CACNA1C: variants seen among roughly 807,000 people sequenced by gnomAD.
The protein encoded by CACNA1C is voltage-dependent L-type calcium channel subunit alpha-1C.
Under a neutral mutation model 229.0 loss-of-function variants are expected in CACNA1C, and 30 were observed. The observed-to-expected ratio is 0.13, with a 90% CI of 0.10 to 0.18. The LOEUF (loss-of-function observed/expected upper bound fraction) is 0.18. Ranked by LOEUF, CACNA1C falls within the 10% of genes least tolerant of loss-of-function variation. The pLI is 1.00. For synonymous variants in CACNA1C, 1,114 were observed against 1,132.5 expected, an observed-to-expected ratio of 0.98 and a Z score of 0.33; for missense variants, 1,658 against 2,845.0, an observed-to-expected ratio of 0.58 and a Z score of 9.49.
intron 3 of CACNA1C, among the ~76,000 whole-genome samples, chr12:2,256,245 G>A (rs1457106634): frequency 6.6e-6 from 1 of 152,076 alleles, no homozygotes; most frequent in Admixed American, 6.6e-5. Flanking sequence ...TCATAGTTCA[G>A]CCTTGCACAT....
intron 5 of CACNA1C, among the ~76,000 whole-genome samples, chr12:2,464,752 T>C (rs2099539122): frequency 6.6e-6 from 1 of 152,222 alleles, no homozygotes; most frequent in Non-Finnish European, 1.5e-5. Context: ...TAAACGGAAG[T>C]TTACTTTCAT....
intron 3 of CACNA1C, among the ~76,000 whole-genome samples, chr12:2,438,503 G>A (rs116662384): frequency 0.017 from 2,632 of 152,076 alleles, 85 homozygotes; most frequent in African/African-American, 0.06. Context: ...CATCGTGGAG[G>A]AGTAGGAGTT....
At chr12:2,059,342 G>A (rs1175883496) in intron 1 of CACNA1C, among the ~76,000 whole-genome samples, 2 of 151,910 alleles carry the variant, frequency 1.3e-5, no homozygotes, top group Admixed American at 6.6e-5. Flanking sequence ...CTGAATTTAA[G>A]TTGGGATTGT....
chr12:2,154,508 G>A (rs1423492220), intron 3 of CACNA1C, among the ~76,000 whole-genome samples: 1 of 152,164 alleles, frequency 6.6e-6, no homozygotes, highest in Non-Finnish European at 1.5e-5. Context: ...CCTCACCCGG[G>A]GCCAGCAGTG....
At chr12:2,540,677 G>T (rs1485360643) in intron 9 of CACNA1C, among the ~76,000 whole-genome samples, 1 of 152,168 alleles carries the variant, frequency 6.6e-6, no homozygotes, top group African/African-American at 2.4e-5. Flanking sequence ...CGTGCAGGAG[G>T]TGGACAGGCA....
chr12:2,354,519 A>G lies in CACNA1C; in HGVS notation c.478-94457A>G, dbSNP rs1328341293. Among the ~76,000 whole-genome samples, 2 of 152,164 alleles carry G rather than the reference A, an allele frequency of 1.3e-5. No individual in the cohort carries two copies. Among genetic ancestry groups the G allele is most frequent in the Admixed American group, 6.5e-5 (1 of 15,278 alleles). ...AGAACCTCACCAGCAGCTGAATTGAATTCCATCTTTGAGACCCAAGAGAGG... is the reference window on the plus strand; with the variant it reads ...AGAACCTCACCAGCAGCTGAATTGAGTTCCATCTTTGAGACCCAAGAGAGG... On this transcript the variant is annotated intron_variant, in intron 3 of 46. Transcript: ENST00000399655. This position sits in a 1 kb window ranked among gnomAD's most constrained non-coding sequence, Gnocchi z 4.6.
In CACNA1C at chr12:2,143,101, G is replaced by C. The variant is rs180739533; in HGVS notation, c.477+22671G>C. Among the ~76,000 whole-genome samples, 126 of 150,740 alleles carry C rather than the reference G, an allele frequency of 8.4e-4. 9 individuals carry two copies. The highest frequency in any genetic ancestry group is 1.4e-3 in the Non-Finnish European group (93 of 67,454). The stretch of plus-strand genomic sequence containing the variant: ...AGCAATTCTTCTGCCTCAGCCTCTC[G>C]AGTAGCTGAGATTACAGGTGCCTGC... On this transcript the variant is annotated intron_variant, in intron 3 of 46. Transcript: ENST00000399655.
At chr12:2,173,696 C>A (rs755768278) in intron 3 of CACNA1C, among the ~76,000 whole-genome samples, 5 of 152,140 alleles carry the variant, frequency 3.3e-5, no homozygotes, top group African/African-American at 1.2e-4. Flanking sequence ...GCCCTACCCC[C>A]ACCTGCTCCA....
intron 11 of CACNA1C, among the ~76,000 whole-genome samples, chr12:2,557,989 A>G (rs868719832): frequency 3.0e-4 from 46 of 152,288 alleles, no homozygotes; most frequent in African/African-American, 1.1e-3. Context: ...AATATTGGTT[A>G]TTTTTCATAA....
Position 2,023,707 on chromosome 12 carries a change from A to T in CACNA1C, c.139+52506A>T, listed in dbSNP as rs575897311. ...TTGGATGTCTGCTTCCAGTCATCTT[A>T]GTAAGTCCAGTTTGACAAAAATGTG... On this transcript the variant is annotated intron_variant, in intron 1 of 46. Coordinates refer to the CACNA1C transcript ENST00000682462. Among the ~76,000 whole-genome samples the T allele has an allele frequency of 1.5e-3, 224 of 152,312 alleles. 1 individual carries two copies. Among genetic ancestry groups the T allele is most frequent in the Non-Finnish European group, 2.9e-3 (194 of 68,030 alleles).
intron 24 of CACNA1C, among the ~76,000 whole-genome samples, chr12:2,606,151 C>T (rs1307182177): frequency 6.6e-6 from 1 of 152,228 alleles, no homozygotes; most frequent in Non-Finnish European, 1.5e-5. Context: ...CTGCACCACC[C>T]AGCTTTCAGA....
intron 1 of CACNA1C, chr12:2,004,185 G>T: frequency 1.3e-6 from 2 of 1,528,650 alleles, no homozygotes; most frequent in East Asian, 2.4e-5. Context: ...GGGCGTCAAC[G>T]TCTCCTCCCC....
intron 3 of CACNA1C, among the ~76,000 whole-genome samples, chr12:2,327,196 A>AT (rs1201568286): frequency 2.0e-5 from 3 of 152,232 alleles, no homozygotes; most frequent in Non-Finnish European, 2.9e-5. Flanking sequence ...ACAAAAAAAA[A>AT]GGAAGCCCAG....
At chr12:2,264,868 A>G (rs932176124) in intron 3 of CACNA1C, among the ~76,000 whole-genome samples, 1 of 152,184 alleles carries the variant, frequency 6.6e-6, no homozygotes, top group African/African-American at 2.4e-5. Flanking sequence ...TCCATTTGCC[A>G]GAGTCCACCT....
chr12:2,064,673 A>G (rs2058707668), intron 1 of CACNA1C, among the ~76,000 whole-genome samples: 1 of 152,232 alleles, frequency 6.6e-6, no homozygotes, highest in South Asian at 2.1e-4. Context: ...GGAAGCGAGC[A>G]GTGGGTAGAC....
At chr12:2,148,284 C>T (rs1453149630) in intron 3 of CACNA1C, among the ~76,000 whole-genome samples, 6 of 151,362 alleles carry the variant, frequency 4.0e-5, no homozygotes, top group East Asian at 1.9e-4. Flanking sequence ...ATTGAAATAT[C>T]GCACTGAAAA....
intron 3 of CACNA1C, among the ~76,000 whole-genome samples, chr12:2,282,392 C>T (rs1270302315): frequency 5.3e-5 from 8 of 152,328 alleles, no homozygotes; most frequent in Middle Eastern, 3.4e-3. Context: ...CAGGGCTGAA[C>T]GCCCGGATTT....
At chr12:2,456,064 A>G (rs1164192964) in intron 4 of CACNA1C, among the ~76,000 whole-genome samples, 1 of 152,188 alleles carries the variant, frequency 6.6e-6, no homozygotes, top group Non-Finnish European at 1.5e-5. Flanking sequence ...TCGATGTCCA[A>G]GCAACAACTC....
chr12:2,528,928 G>A (rs1198681527), intron 9 of CACNA1C, among the ~76,000 whole-genome samples: 2 of 152,136 alleles, frequency 1.3e-5, no homozygotes, highest in African/African-American at 2.4e-5. Flanking sequence ...GGACACTCAC[G>A]CAGGCCCAGT....
Sources: allele counts gnomAD v4.1 joint callset (sites outside exome capture counted in the v4.1 genomes callset), GRCh38; gene constraint gnomAD v4.1.1; non-coding constraint Gnocchi (gnomAD v3.1); transcripts MANE v1.5; gene names NCBI Gene and HGNC (gene_info 2026-07-23, HGNC 2026-07-21).